The following SEMA5B variants were observed in gnomAD, a reference collection of about 807,000 sequenced individuals.
SEMA5B encodes semaphorin 5B, also known as semaphorin-5B.
A neutral mutation model predicts 135.0 loss-of-function variants in SEMA5B; 66 were observed. The ratio of observed to expected loss-of-function variants is 0.49; its 90% CI spans 0.40 to 0.60. The LOEUF (loss-of-function observed/expected upper bound fraction) is 0.60, where lower values mean the gene tolerates loss of function less well. SEMA5B is among the 20% of genes least tolerant of loss of function. SEMA5B has a pLI of 0.00. For synonymous variants in SEMA5B, 690 were observed against 639.5 expected (o/e 1.08, Z -1.19); for missense variants, 1,501 against 1,566.3 (o/e 0.96, Z 0.70).
intron 1 of SEMA5B, among the ~76,000 whole-genome samples, chr3:122,972,040 C>T (rs890345049): frequency 2.6e-5 from 4 of 152,208 alleles, no homozygotes; most frequent in Non-Finnish European, 2.9e-5. Context: ...ATCCGCTGAT[C>T]GATCCACCAT....
At chr3:122,938,953 G>A (rs1462169891) in intron 5 of SEMA5B, among the ~76,000 whole-genome samples, 3 of 152,184 alleles carry the variant, frequency 2.0e-5, no homozygotes, top group South Asian at 2.1e-4. Context: ...AGTTAGAATG[G>A]GATCATTCAG....
intron 1 of SEMA5B, among the ~76,000 whole-genome samples, chr3:122,988,953 A>G (rs1249718401): frequency 6.6e-6 from 1 of 152,258 alleles, no homozygotes; most frequent in Non-Finnish European, 1.5e-5. Flanking sequence ...AGGCTCTGCC[A>G]TCAGTGTACT....
rs956881926 is a variant in SEMA5B, at chr3:122,951,118, T to C, written c.125-2409A>G. 2.5e-4 allele frequency among the ~76,000 whole-genome samples: 38 copies of C among 152,186 alleles called. 1 individual carries two copies. The highest frequency in any genetic ancestry group is 2.3e-3 in the Admixed American group (35 of 15,280). ...CTGGCTAGAGGGGCATGCTCTGTTG[T>C]AAGTGGAGGGGTCTTGTTCTGCTGC... On this transcript the variant is annotated intron_variant, in intron 2 of 22. Coordinates refer to ENST00000357599, the MANE Select transcript of SEMA5B (RefSeq NM_001031702.4).
At chr3:122,940,705 G>A (rs931255052) in intron 4 of SEMA5B, among the ~76,000 whole-genome samples, 4 of 152,230 alleles carry the variant, frequency 2.6e-5, no homozygotes, top group Non-Finnish European at 2.9e-5. Context: ...TCCCAGCTCT[G>A]GCTCCAGGCC....
chr3:122,966,867 T>C (rs1940865251), intron 1 of SEMA5B, among the ~76,000 whole-genome samples: 1 of 126,956 alleles, frequency 7.9e-6, no homozygotes, highest in African/African-American at 3.1e-5. Flanking sequence ...CTATTACTAT[T>C]ATTATTATTA....
At chr3:122,912,100 G>T (rs756468787) in intron 19 of SEMA5B, 31 bp from the exon 20 acceptor site, 2 of 1,597,260 alleles carry the variant, frequency 1.3e-6, no homozygotes, top group Non-Finnish European at 1.7e-6. Flanking sequence ...GAGGTTAACT[G>T]CCCAGGGACC....
Position 122,912,960 on chromosome 3 carries a change from C to G in SEMA5B, c.2608G>C (p.Glu870Gln), listed in dbSNP as rs754750748. 6 of 1,612,318 alleles carry G rather than the reference C, an allele frequency of 3.7e-6. No homozygotes were observed. Among genetic ancestry groups the G allele is most frequent in the Non-Finnish European group, 5.1e-6 (6 of 1,179,334 alleles). ...CTCTTGCGGACGCGGAAGCCCAGCT[C>G]GCAGTCCCGGGAGCAGGACGACCAC... is the stretch of plus-strand genomic sequence containing the variant. The part of the protein sequence containing the change: ...GPWSSCSRDC[E>Q]LGFRVRKRTC... The change falls in exon 18 of 23, where the codon GAG (glutamate) becomes CAG (glutamine). Residue 870 changes from glutamate to glutamine, a missense_variant. Around this residue, in one of 2 missense-constraint regions of SEMA5B, gnomAD observed 927 missense variants for 881.6 expected, o/e 1.05. Coordinates refer to ENST00000357599, the MANE Select transcript of SEMA5B (RefSeq NM_001031702.4).
chr3:122,928,089 GC>G, intron 7 of SEMA5B, 86 bp from the exon 8 acceptor site: 2 of 978,760 alleles, frequency 2.0e-6, no homozygotes, highest in Non-Finnish European at 2.9e-6. Context: ...TTCCTCCTGT[GC>G]CCCAGTCTCT....
intron 5 of SEMA5B, among the ~76,000 whole-genome samples, chr3:122,937,071 G>C (rs1006093102): frequency 6.6e-6 from 1 of 152,260 alleles, no homozygotes; most frequent in Non-Finnish European, 1.5e-5. Flanking sequence ...CCAAGTGGGA[G>C]AATCAGTTGG....
chr3:123,024,675 G>A (rs573309506), intron 1 of SEMA5B, among the ~76,000 whole-genome samples: 1 of 152,318 alleles, frequency 6.6e-6, no homozygotes, highest in Admixed American at 6.5e-5. Flanking sequence ...GGCCCAACAG[G>A]TCAGAGGTAG....
At chr3:123,013,501 C>T (rs1188751126) in intron 1 of SEMA5B, among the ~76,000 whole-genome samples, 3 of 152,184 alleles carry the variant, frequency 2.0e-5, no homozygotes, top group African/African-American at 2.4e-5. Flanking sequence ...GGTATGATGG[C>T]CATTTTACAT....
chr3:122,912,746 T>C, intron 18 of SEMA5B, 97 bp downstream of exon 18: 1 of 1,205,890 alleles, frequency 8.3e-7, no homozygotes, highest in Non-Finnish European at 1.2e-6. Flanking sequence ...AGGGGTCACC[T>C]GGGCATTGGG....
rs150998863 is a variant in SEMA5B at position 122,915,966 on chromosome 3, A to G, written c.1689-76T>C. On this transcript the variant is annotated intron_variant, in intron 12 of 22. Transcript: ENST00000357599. ...CTGCATCTCAGGAACACACGTGAACACTCCCCTCTGTGCACCACTTTCCAT... is the reference window on the plus strand; with the variant it reads ...CTGCATCTCAGGAACACACGTGAACGCTCCCCTCTGTGCACCACTTTCCAT... The G allele has an allele frequency of 8.5e-6, 9 of 1,059,588 alleles. No homozygotes were observed. The East Asian group carries it at 2.1e-4, about 25-fold the overall frequency. 65.6% of individuals were successfully genotyped at this position (1,059,588 alleles called of 1,614,324 possible). A position where few individuals can be genotyped will look rare whatever the true frequency, so the allele number is the denominator to read the frequency against.
At position 122,975,970 on chromosome 3, in the gene SEMA5B, AGAAACT is replaced by A. The variant is rs540847666; in HGVS notation, c.-38-14675_-38-14670del. ...AACCTCCTCAACACATCCCAAATCT[AGAAACT>A]CTTCATGTCATGCACTTGCCCACCT... On this transcript the variant is annotated intron_variant, in intron 1 of 22. Transcript: ENST00000357599. 741 of 1,533,490 alleles carry A rather than the reference AGAAACT, an allele frequency of 4.8e-4. 4 individuals are homozygous for A. The African/African-American group carries it at 9.0e-3, about 19-fold the overall frequency. The allele number at this position is 1,533,490 out of a possible 1,614,324, so 95.0% of individuals were successfully genotyped here. A position where few individuals can be genotyped will look rare whatever the true frequency, so the allele number is the denominator to read the frequency against.
intron 9 of SEMA5B, among the ~76,000 whole-genome samples, chr3:122,924,881 T>C (rs376845629): frequency 2.0e-5 from 3 of 152,322 alleles, no homozygotes; most frequent in African/African-American, 4.8e-5. Flanking sequence ...CCCTTTCCCT[T>C]TGTAGCATTT....
At chr3:122,959,041 A>C (rs1940463514) in intron 2 of SEMA5B, among the ~76,000 whole-genome samples, 1 of 152,320 alleles carries the variant, frequency 6.6e-6, no homozygotes, top group Admixed American at 6.5e-5. Context: ...ATGGTTCAGC[A>C]CTGTACTTTA....
At chr3:122,923,159 G>A (rs1938456588) in intron 10 of SEMA5B, among the ~76,000 whole-genome samples, 1 of 152,154 alleles carries the variant, frequency 6.6e-6, no homozygotes, top group African/African-American at 2.4e-5. Flanking sequence ...TTTCTCCATG[G>A]GGATGGGGGA....
rs71136597 is a variant in SEMA5B, at chr3:122,932,243, A to ATTTTTTTT, written c.475-3193_475-3186dup. On this transcript the variant is annotated intron_variant, in intron 5 of 22. Transcript: ENST00000357599. ...GGTCTTACACATCCCTCTCAATATG[A>ATTTTTTTT]TTTTTTTTTTTTTTTTTTTTTTTTT... Among the ~76,000 whole-genome samples, 62 of 85,384 alleles carry ATTTTTTTT rather than the reference A, an allele frequency of 7.3e-4. 12 individuals carry two copies. The highest frequency in any genetic ancestry group is 6.5e-3 in the Middle Eastern group (1 of 154). The allele number at this position is 85,384 out of a possible 152,430, so 56.0% of individuals were successfully genotyped here.
intron 1 of SEMA5B, among the ~76,000 whole-genome samples, chr3:123,014,002 G>C (rs915291011): frequency 6.6e-6 from 1 of 152,250 alleles, no homozygotes. Flanking sequence ...CCGGAGGCTG[G>C]TGAGAGGCCT....
Sources: gnomAD v4.1 joint callset for allele counts (sites outside exome capture counted in the v4.1 genomes callset) on GRCh38, gnomAD v4.1.1 for gene constraint, gnomAD v4.1.1 regional missense constraint, MANE v1.5 for transcripts, NCBI Gene and HGNC (gene_info 2026-07-23, HGNC 2026-07-21) for gene names.